Variants in PRKCA observed in about 807,000 individuals in gnomAD.
PRKCA encodes protein kinase C alpha, also known as protein kinase C alpha type.
A neutral mutation model predicts 87.0 loss-of-function variants in PRKCA; 27 were observed. That is an observed-to-expected ratio of 0.31 (90% confidence interval 0.23 to 0.43). The LOEUF is 0.43. Among genes scored for constraint, PRKCA ranks in the 20% least tolerant of loss-of-function variants. The pLI is 1.00. For missense variants in PRKCA, 518 were observed against 852.3 expected, an observed-to-expected ratio of 0.61 and a Z score of 4.88; for synonymous variants, 329 against 311.1, an observed-to-expected ratio of 1.06 and a Z score of -0.61.
intron 5 of PRKCA, among the ~76,000 whole-genome samples, chr17:66,659,685 G>A (rs1403737214): frequency 7.5e-6 from 1 of 133,364 alleles, no homozygotes. Context: ...GGAGTTTGAG[G>A]CTGCAGTGAG....
At chr17:66,358,296 C>T (rs760664183) in intron 2 of PRKCA, among the ~76,000 whole-genome samples, 13 of 151,968 alleles carry the variant, frequency 8.6e-5, no homozygotes, top group South Asian at 2.1e-4. Context: ...GGAACTCTTC[C>T]GTTGTAATTG....
intron 2 of PRKCA, among the ~76,000 whole-genome samples, chr17:66,421,740 A>T (rs1338886228): frequency 6.9e-6 from 1 of 145,056 alleles, no homozygotes; most frequent in Non-Finnish European, 1.5e-5. Flanking sequence ...ACTGGGTTTC[A>T]TCATGTTGGC....
chr17:66,541,000 A>C (rs72843692), intron 3 of PRKCA, among the ~76,000 whole-genome samples: 27,309 of 152,060 alleles, frequency 0.18, 3,054 homozygotes, highest in South Asian at 0.27. Context: ...AACCCTACAG[A>C]GGTAGGAAGT....
At chr17:66,558,106 G>A (rs942441112) in intron 3 of PRKCA, among the ~76,000 whole-genome samples, 2 of 152,238 alleles carry the variant, frequency 1.3e-5, no homozygotes, top group Non-Finnish European at 2.9e-5. Flanking sequence ...ATTCAGGAAT[G>A]CTCGTGAAAT....
intron 3 of PRKCA, among the ~76,000 whole-genome samples, chr17:66,540,807 G>A (rs1357373476): frequency 6.6e-6 from 1 of 152,166 alleles, no homozygotes; most frequent in African/African-American, 2.4e-5. Flanking sequence ...AGGCAGTCGA[G>A]GGTAATTATT....
At chr17:66,505,593 C>T (rs1916940548) in intron 3 of PRKCA, among the ~76,000 whole-genome samples, 3 of 152,092 alleles carry the variant, frequency 2.0e-5, no homozygotes, top group African/African-American at 7.2e-5. Flanking sequence ...TTGTCAGCCT[C>T]TGAGAGGGTG....
At chr17:66,393,286 G>A (rs1448422627) in intron 2 of PRKCA, among the ~76,000 whole-genome samples, 5 of 152,268 alleles carry the variant, frequency 3.3e-5, no homozygotes, top group African/African-American at 4.8e-5. Context: ...TTCAGAAGGC[G>A]TGGAAGACAC....
intron 5 of PRKCA, among the ~76,000 whole-genome samples, chr17:66,666,246 C>G (rs1972039342): frequency 6.6e-6 from 1 of 152,180 alleles, no homozygotes; most frequent in Admixed American, 6.6e-5. Flanking sequence ...GCCTAGCAAA[C>G]ATAGAATTAT....
At chr17:66,392,353 G>T (rs926090014) in intron 2 of PRKCA, among the ~76,000 whole-genome samples, 1 of 152,136 alleles carries the variant, frequency 6.6e-6, no homozygotes, top group African/African-American at 2.4e-5. Context: ...AAGGTAACAC[G>T]TATGCTGTGC....
rs548406972 is a variant in PRKCA, at chr17:66,550,435, G to T, written c.288+54152G>T. 3.3e-5 allele frequency among the ~76,000 whole-genome samples: 5 copies of T among 152,298 alleles called. No homozygotes were observed. In the East Asian group the frequency reaches 9.7e-4, roughly 29 times the overall value. On this transcript the variant is annotated intron_variant, in intron 3 of 16. Transcript: ENST00000413366. The stretch of plus-strand genomic sequence containing the variant: ...GGAGGCCGAGGCAGGTAGATCACCT[G>T]AGTTCAGGAGCTCAAGACCAGCCTG...
At chr17:66,436,761 C>T (rs1913415193) in intron 2 of PRKCA, among the ~76,000 whole-genome samples, 1 of 152,118 alleles carries the variant, frequency 6.6e-6, no homozygotes, top group Non-Finnish European at 1.5e-5. Flanking sequence ...GTGAGAAATT[C>T]AAGAAAGACA....
intron 8 of PRKCA, among the ~76,000 whole-genome samples, chr17:66,713,914 G>A (rs1351416080): frequency 1.3e-5 from 2 of 152,170 alleles, no homozygotes; most frequent in African/African-American, 4.8e-5. Flanking sequence ...TGGTTTGGGT[G>A]GGGGCAGGCA....
At chr17:66,547,644 A>G (rs1968187319) in intron 3 of PRKCA, among the ~76,000 whole-genome samples, 1 of 152,178 alleles carries the variant, frequency 6.6e-6, no homozygotes, top group Non-Finnish European at 1.5e-5. Flanking sequence ...TGTTAACTTC[A>G]TCGAAAGTTA....
chr17:66,551,646 G>T (rs1968335090), intron 3 of PRKCA, among the ~76,000 whole-genome samples: 1 of 152,158 alleles, frequency 6.6e-6, no homozygotes, highest in Admixed American at 6.5e-5. Flanking sequence ...ACTCAAGGGG[G>T]GGATATTGTT....
At chr17:66,306,311 T>G in intron 2 of PRKCA, 184 bp downstream of exon 2, 1 of 412,780 alleles carries the variant, frequency 2.4e-6, no homozygotes. Flanking sequence ...CATATAGAGC[T>G]GCCTTTTTCT....
At chr17:66,800,793 C>T (rs898761467) in intron 16 of PRKCA, among the ~76,000 whole-genome samples, 3 of 152,238 alleles carry the variant, frequency 2.0e-5, no homozygotes, top group South Asian at 2.1e-4. Context: ...AATTCATCAA[C>T]GTGTCCTGTG....
At chr17:66,387,925 A>T (rs1168526921) in intron 2 of PRKCA, among the ~76,000 whole-genome samples, 1 of 152,194 alleles carries the variant, frequency 6.6e-6, no homozygotes, top group Non-Finnish European at 1.5e-5. Flanking sequence ...AGGCTTAACT[A>T]TGCTGTCCCC....
intron 3 of PRKCA, among the ~76,000 whole-genome samples, chr17:66,590,888 T>A (rs1354639915): frequency 6.6e-6 from 1 of 150,470 alleles, no homozygotes; most frequent in Non-Finnish European, 1.5e-5. Context: ...AAATGAGACC[T>A]CCCTTCTGAA....
chr17:66,777,862 G>C, intron 14 of PRKCA: 1 of 985,376 alleles, frequency 1.0e-6, no homozygotes, highest in Non-Finnish European at 1.2e-6. Flanking sequence ...CAGGTCTGCA[G>C]GAAAGTCCTC....
Sources: gnomAD v4.1 joint callset for allele counts (sites outside exome capture counted in the v4.1 genomes callset) on GRCh38, gnomAD v4.1.1 for gene constraint, MANE v1.5 for transcripts, NCBI Gene and HGNC (gene_info 2026-07-23, HGNC 2026-07-21) for gene names.